RIN2: variants seen among roughly 807,000 people sequenced by gnomAD.
RIN2 encodes Ras and Rab interactor 2.
RIN2 carries 36 observed loss-of-function variants against 78.0 expected under a neutral mutation model. The ratio of observed to expected loss-of-function variants is 0.46; its 90% CI spans 0.35 to 0.61. RIN2 has a LOEUF of 0.61. Ranked by LOEUF, RIN2 falls within the 20% of genes least tolerant of loss-of-function variation. RIN2 has a pLI of 0.00. For synonymous variants in RIN2, 466 were observed against 466.8 expected (o/e 1.00, Z 0.02); for missense variants, 1,087 against 1,159.7 (o/e 0.94, Z 0.91).
chr20:19,855,745 A>G lies in RIN2; in HGVS notation c.-36-33821A>G, dbSNP rs545986307. Among the ~76,000 whole-genome samples the G allele has an allele frequency of 1.5e-3, 222 of 152,254 alleles. 2 individuals carry two copies. The highest frequency in any genetic ancestry group is 6.8e-3 in the Middle Eastern group (2 of 294). ...CCAACAAGAGACTGGCAAAACTGAC[A>G]CCGGAGGCTTGGGGGAAAAAAATCC... On this transcript the variant is annotated intron_variant, in intron 2 of 12. Transcript: ENST00000255006.
Position 19,996,933 on chromosome 20 carries a change from T to G in RIN2, c.2364+91T>G. The stretch of plus-strand genomic sequence containing the variant: ...CATCCCAGCTCAGAGGTCCCCACTG[T>G]GTTGAATTATTTGGCAGGAAAGGGA... On this transcript the variant is annotated intron_variant, in intron 12 of 12. Transcript: ENST00000255006. 2.3e-6 allele frequency: 3 copies of G among 1,307,570 alleles called. No homozygotes were observed. The South Asian group carries it at 4.6e-5, about 20-fold the overall frequency. 81.0% of individuals were successfully genotyped at this position (1,307,570 alleles called of 1,614,324 possible).
intron 2 of RIN2, among the ~76,000 whole-genome samples, chr20:19,854,915 A>G (rs1423666897): frequency 2.6e-5 from 4 of 152,284 alleles, no homozygotes; most frequent in East Asian, 1.9e-4. Flanking sequence ...TTCCAAGGCT[A>G]TGTTGAATAG....
chr20:19,785,984 G>A (rs138563816), intron 1 of RIN2, among the ~76,000 whole-genome samples: 12 of 152,088 alleles, frequency 7.9e-5, no homozygotes, highest in African/African-American at 1.7e-4. Flanking sequence ...GAAATGCTTC[G>A]CCTTGGTTTA....
intron 9 of RIN2, among the ~76,000 whole-genome samples, chr20:19,979,235 A>G (rs1362514275): frequency 5.9e-5 from 9 of 152,316 alleles, no homozygotes; most frequent in South Asian, 4.1e-4. Context: ...CATGTTAGTA[A>G]TCTTAAATTT....
At chr20:19,880,921 A>T (rs1001496191) in intron 2 of RIN2, among the ~76,000 whole-genome samples, 62 of 152,302 alleles carry the variant, frequency 4.1e-4, no homozygotes, top group African/African-American at 1.4e-3. Flanking sequence ...GACCGAACAT[A>T]TGGCTTCCTT....
intron 1 of RIN2, among the ~76,000 whole-genome samples, chr20:19,777,541 C>G (rs530328935): frequency 6.6e-6 from 1 of 152,250 alleles, no homozygotes; most frequent in Non-Finnish European, 1.5e-5. Context: ...ACCTCCCTGT[C>G]GCCTCATGGT....
At chr20:19,788,984 C>A (rs2034801603) in intron 1 of RIN2, among the ~76,000 whole-genome samples, 1 of 152,206 alleles carries the variant, frequency 6.6e-6, no homozygotes, top group African/African-American at 2.4e-5. Flanking sequence ...AACAGCAAAT[C>A]TGTAGCTCTT....
intron 4 of RIN2, among the ~76,000 whole-genome samples, chr20:19,939,353 C>T (rs1028657991): frequency 2.1e-4 from 32 of 152,080 alleles, no homozygotes; most frequent in African/African-American, 7.7e-4. Context: ...TGGCCTCTAC[C>T]TTTAAATAGA....
intron 12 of RIN2, among the ~76,000 whole-genome samples, chr20:19,998,697 C>G (rs2043048649): frequency 6.6e-6 from 1 of 152,132 alleles, no homozygotes; most frequent in African/African-American, 2.4e-5. Flanking sequence ...CTCAGAAATT[C>G]CTTCTGGAGC....
intron 2 of RIN2, chr20:19,824,064 G>A (rs1395981903): frequency 3.1e-6 from 2 of 640,290 alleles, no homozygotes; most frequent in Non-Finnish European, 5.5e-6. Context: ...GCCCCCCAGG[G>A]ACTGGTATGC....
At chr20:19,989,653 G>A (rs2042733332) in intron 9 of RIN2, among the ~76,000 whole-genome samples, 1 of 152,156 alleles carries the variant, frequency 6.6e-6, no homozygotes, top group African/African-American at 2.4e-5. Flanking sequence ...TTGCTCTCCT[G>A]TTAATTGGAT....
intron 2 of RIN2, among the ~76,000 whole-genome samples, chr20:19,870,297 T>A (rs1384538280): frequency 1.3e-5 from 2 of 152,238 alleles, no homozygotes; most frequent in African/African-American, 4.8e-5. Context: ...GTCCAGGAAC[T>A]AGTCCAGATC....
At chr20:19,866,066 T>C (rs1266635560) in intron 2 of RIN2, among the ~76,000 whole-genome samples, 1 of 152,086 alleles carries the variant, frequency 6.6e-6, no homozygotes, top group Non-Finnish European at 1.5e-5. Flanking sequence ...CACCTTAATG[T>C]AGAATCAGTG....
At chr20:19,809,001 C>T (rs949121665) in intron 2 of RIN2, among the ~76,000 whole-genome samples, 1 of 152,214 alleles carries the variant, frequency 6.6e-6, no homozygotes, top group Non-Finnish European at 1.5e-5. Flanking sequence ...CCTCATGTCA[C>T]CCATGCCACA....
chr20:19,896,149 A>G (rs1456867321), intron 3 of RIN2, among the ~76,000 whole-genome samples: 1 of 152,250 alleles, frequency 6.6e-6, no homozygotes, highest in East Asian at 1.9e-4. Flanking sequence ...ATCAAAAACC[A>G]CATTTTAGTC....
intron 4 of RIN2, among the ~76,000 whole-genome samples, chr20:19,937,605 A>G (rs1057178881): frequency 1.3e-5 from 2 of 152,222 alleles, no homozygotes; most frequent in South Asian, 4.1e-4. Context: ...ATATTGAGAT[A>G]ACCTTGATCT....
At chr20:19,830,338 C>T (rs2036214919) in intron 2 of RIN2, among the ~76,000 whole-genome samples, 2 of 152,152 alleles carry the variant, frequency 1.3e-5, no homozygotes, top group Non-Finnish European at 2.9e-5. Flanking sequence ...TCTTCTTTTA[C>T]TTACATGGCA....
intron 7 of RIN2, among the ~76,000 whole-genome samples, chr20:19,969,152 C>T (rs934329863): frequency 6.6e-6 from 1 of 152,182 alleles, no homozygotes; most frequent in Non-Finnish European, 1.5e-5. Context: ...GCTTCCATGG[C>T]TCCAAAATTC....
chr20:19,930,499 G>C (rs538871268), intron 3 of RIN2, among the ~76,000 whole-genome samples: 2 of 152,286 alleles, frequency 1.3e-5, no homozygotes, highest in East Asian at 1.9e-4. Flanking sequence ...AAGGCCATTT[G>C]GGGTTTTTAT....
Sources: allele counts gnomAD v4.1 joint callset (sites outside exome capture counted in the v4.1 genomes callset), GRCh38; gene constraint gnomAD v4.1.1; transcripts MANE v1.5; gene names NCBI Gene and HGNC (gene_info 2026-07-23, HGNC 2026-07-21).